Variants in GABBR2 observed in about 807,000 individuals in gnomAD.
The protein encoded by GABBR2 is gamma-aminobutyric acid type B receptor subunit 2.
A neutral mutation model predicts 105.6 loss-of-function variants in GABBR2; 23 were observed. The observed-to-expected ratio is 0.22, with a 90% CI of 0.16 to 0.31. The LOEUF is 0.31. GABBR2 is among the 10% of genes least tolerant of loss of function. The pLI is 1.00. For missense variants in GABBR2, 734 were observed against 1,245.5 expected (o/e 0.59, Z 6.18); for synonymous variants, 478 against 499.7 (o/e 0.96, Z 0.58).
At chr9:98,551,451 AC>A (rs1470547025) in intron 2 of GABBR2, among the ~76,000 whole-genome samples, 1 of 152,156 alleles carries the variant, frequency 6.6e-6, no homozygotes, top group Non-Finnish European at 1.5e-5. Flanking sequence ...CAGACAGATT[AC>A]CCAAGGTAGA....
At chr9:98,518,423 C>G (rs972708128) in intron 3 of GABBR2, among the ~76,000 whole-genome samples, 1 of 152,174 alleles carries the variant, frequency 6.6e-6, no homozygotes, top group African/African-American at 2.4e-5. Context: ...CACCACTGAC[C>G]ATGCATGCGC....
chr9:98,509,377 A>G (rs1420231334), intron 3 of GABBR2, among the ~76,000 whole-genome samples: 1 of 152,234 alleles, frequency 6.6e-6, no homozygotes. Context: ...CCTCCTCCAA[A>G]GGAACACAGC....
chr9:98,401,835 G>A (rs575151575), intron 8 of GABBR2, among the ~76,000 whole-genome samples: 1 of 152,302 alleles, frequency 6.6e-6, no homozygotes, highest in South Asian at 2.1e-4. Context: ...AGATTATGAA[G>A]CCCTGGAGGA....
intron 13 of GABBR2, 119 bp from the exon 14 acceptor site, chr9:98,311,324 G>A: frequency 1.6e-6 from 1 of 640,288 alleles, no homozygotes; most frequent in Non-Finnish European, 2.8e-6. Flanking sequence ...TGTTCAGCAG[G>A]CCATTTGGAC....
intron 1 of GABBR2, among the ~76,000 whole-genome samples, chr9:98,663,996 C>G (rs117119755): frequency 2.0e-5 from 3 of 152,248 alleles, no homozygotes; most frequent in African/African-American, 7.2e-5. Context: ...AAAGGCATCC[C>G]GGCCCAGGTC....
intron 10 of GABBR2, among the ~76,000 whole-genome samples, chr9:98,387,601 C>T (rs1329565894): frequency 6.6e-6 from 1 of 151,946 alleles, no homozygotes; most frequent in Non-Finnish European, 1.5e-5. Context: ...TAGGTTTGAC[C>T]TAAGCAACTG....
In GABBR2 at chr9:98,288,514, G is replaced by A. The variant is rs1319093998; in HGVS notation, c.*2070C>T. Reference sequence around the variant, plus strand: ...ATACTTTTGTTTGTTTTCCTGCTATGCTGGAATAATATTTCTACAGGTATT... The same window carrying A: ...ATACTTTTGTTTGTTTTCCTGCTATACTGGAATAATATTTCTACAGGTATT... On this transcript the variant is annotated 3_prime_UTR_variant, in exon 19 of 19. Coordinates refer to ENST00000259455, the MANE Select transcript of GABBR2 (RefSeq NM_005458.8). 6.6e-6 allele frequency: 1 copy of A among 152,422 alleles called. No homozygotes were observed. The highest frequency in any genetic ancestry group is 2.4e-5 in the African/African-American group (1 of 41,342). The allele number at this position is 152,422 out of a possible 1,614,324, so 9.4% of individuals were successfully genotyped here. A position where few individuals can be genotyped will look rare whatever the true frequency, so the allele number is the denominator to read the frequency against.
At chr9:98,681,510 C>A (rs558360406) in intron 1 of GABBR2, among the ~76,000 whole-genome samples, 150 of 151,336 alleles carry the variant, frequency 9.9e-4, no homozygotes, top group Admixed American at 1.6e-3. Context: ...GTGCAGCGTA[C>A]CAGCATGGCA....
chr9:98,319,052 A>G (rs1264032553), intron 13 of GABBR2, among the ~76,000 whole-genome samples: 1 of 152,016 alleles, frequency 6.6e-6, no homozygotes. Context: ...TGGGGTGCCA[A>G]CAAGGATGCC....
chr9:98,598,549 C>A (rs1283380838), intron 1 of GABBR2, among the ~76,000 whole-genome samples: 1 of 142,332 alleles, frequency 7.0e-6, no homozygotes, highest in African/African-American at 2.6e-5. Flanking sequence ...TTACTGTTTA[C>A]TGAAAAACTA....
chr9:98,377,405 A>G (rs1321241984), intron 11 of GABBR2, among the ~76,000 whole-genome samples: 1 of 152,152 alleles, frequency 6.6e-6, no homozygotes, highest in Non-Finnish European at 1.5e-5. Flanking sequence ...ACTTCCAGAA[A>G]TAACTGGAGC....
intron 7 of GABBR2, among the ~76,000 whole-genome samples, chr9:98,433,193 G>A (rs773984332): frequency 2.0e-5 from 3 of 152,164 alleles, no homozygotes; most frequent in African/African-American, 4.8e-5. Flanking sequence ...TGCATATGCC[G>A]CAGGGACTCT....
intron 3 of GABBR2, among the ~76,000 whole-genome samples, chr9:98,522,570 T>C (rs1827888732): frequency 6.6e-6 from 1 of 152,210 alleles, no homozygotes; most frequent in Admixed American, 6.5e-5. Context: ...AGAGAGCTTA[T>C]GATCATAGAA....
chr9:98,462,055 C>T (rs768633287), intron 6 of GABBR2, among the ~76,000 whole-genome samples: 4 of 151,350 alleles, frequency 2.6e-5, no homozygotes, highest in South Asian at 4.1e-4. Context: ...TTGGAGGGGA[C>T]GAACATCCAA....
intron 13 of GABBR2, among the ~76,000 whole-genome samples, chr9:98,317,164 A>T (rs546216588): frequency 6.6e-6 from 1 of 152,344 alleles, no homozygotes; most frequent in Non-Finnish European, 1.5e-5. Context: ...TCAGGCTGAT[A>T]AAATGCTCTT....
At chr9:98,560,442 TACACAC>T (rs140755037) in intron 2 of GABBR2, among the ~76,000 whole-genome samples, 2 of 137,162 alleles carry the variant, frequency 1.5e-5, no homozygotes, top group Non-Finnish European at 3.3e-5. Flanking sequence ...CACACACACA[TACACAC>T]ACACACATAT....
chr9:98,562,338 G>A (rs1828685268), intron 2 of GABBR2, among the ~76,000 whole-genome samples: 1 of 152,168 alleles, frequency 6.6e-6, no homozygotes, highest in Admixed American at 6.5e-5. Flanking sequence ...GACAATGCAT[G>A]TTCCTTGCTT....
intron 3 of GABBR2, among the ~76,000 whole-genome samples, chr9:98,514,746 A>G (rs1388129540): frequency 1.3e-5 from 2 of 151,936 alleles, no homozygotes; most frequent in African/African-American, 2.4e-5. Flanking sequence ...ACATGTATAT[A>G]TATGTAACAA....
intron 17 of GABBR2, among the ~76,000 whole-genome samples, chr9:98,298,542 C>T (rs890450567): frequency 6.6e-6 from 1 of 152,178 alleles, no homozygotes; most frequent in Non-Finnish European, 1.5e-5. Context: ...GGAGAATGCT[C>T]ATTTCCAAAT....
Sources: allele counts gnomAD v4.1 joint callset (sites outside exome capture counted in the v4.1 genomes callset), GRCh38; gene constraint gnomAD v4.1.1; transcripts MANE v1.5; gene names NCBI Gene and HGNC (gene_info 2026-07-23, HGNC 2026-07-21).